Variants in MEMO1 observed in about 807,000 individuals in gnomAD.
MEMO1 encodes protein MEMO1.
MEMO1 carries 6 observed loss-of-function variants against 45.2 expected under a neutral mutation model. The ratio of observed to expected loss-of-function variants is 0.13; its 90% CI spans 0.07 to 0.26. The LOEUF (loss-of-function observed/expected upper bound fraction) is 0.26. Ranked by LOEUF, MEMO1 falls within the 10% of genes least tolerant of loss-of-function variation. The pLI, the probability that MEMO1 is intolerant of heterozygous loss-of-function variation, is 1.00. For synonymous variants in MEMO1, 78 were observed against 124.3 expected (o/e 0.63, Z 2.48); for missense variants, 184 against 370.5 (o/e 0.50, Z 4.13).
intron 4 of MEMO1, among the ~76,000 whole-genome samples, chr2:31,927,313 T>C (rs1285535666): frequency 6.6e-6 from 1 of 152,116 alleles, no homozygotes; most frequent in Non-Finnish European, 1.5e-5. Context: ...AGCAAGACTT[T>C]GTCTCAAAAA....
intron 2 of MEMO1, among the ~76,000 whole-genome samples, chr2:32,006,170 C>T (rs557822375): frequency 6.6e-6 from 1 of 152,064 alleles, no homozygotes; most frequent in Non-Finnish European, 1.5e-5. Flanking sequence ...AGACCTTAAC[C>T]AAGAGGCAAG....
chr2:31,932,280 T>C, intron 3 of MEMO1, 145 bp from the exon 4 acceptor site: 1 of 618,450 alleles, frequency 1.6e-6, no homozygotes, highest in Non-Finnish European at 2.8e-6. Flanking sequence ...GTTAATGATG[T>C]GACTTCTAGA....
At chr2:31,911,548 A>G (rs965942303) in intron 6 of MEMO1, among the ~76,000 whole-genome samples, 2 of 152,248 alleles carry the variant, frequency 1.3e-5, no homozygotes, top group East Asian at 1.9e-4. Flanking sequence ...TAATGTATCG[A>G]TATTGGTTCA....
intron 2 of MEMO1, chr2:31,963,241 T>A: frequency 6.5e-7 from 1 of 1,546,510 alleles, no homozygotes. Context: ...CATAATGGCA[T>A]GAGTCAATTC....
chr2:31,899,045 C>T (rs1156452392), intron 6 of MEMO1, among the ~76,000 whole-genome samples: 1 of 152,018 alleles, frequency 6.6e-6, no homozygotes, highest in African/African-American at 2.4e-5. Flanking sequence ...AGAACACAAA[C>T]AAATGGAAAA....
In MEMO1 at chr2:31,923,059, C is replaced by G. The variant is rs191136046; in HGVS notation, c.213-2149G>C. ...TTTGAGAAATCGCCACACTGTTTTC[C>G]ACAATGATTGAATCAATTTACACTC... is the stretch of plus-strand genomic sequence containing the variant. On this transcript the variant is annotated intron_variant, in intron 4 of 9. Coordinates refer to ENST00000404530, the MANE Select transcript of MEMO1 (RefSeq NM_001301833.4). 3.2e-4 allele frequency among the ~76,000 whole-genome samples: 49 copies of G among 152,174 alleles called. No individual in the cohort carries two copies. In the East Asian group the frequency reaches 7.2e-3, roughly 22 times the overall value.
chr2:31,939,699 G>A (rs1665383989), intron 3 of MEMO1, among the ~76,000 whole-genome samples: 1 of 152,022 alleles, frequency 6.6e-6, no homozygotes, highest in Admixed American at 6.6e-5. Context: ...ATCCCTCTTA[G>A]GTAAATGTCC....
rs1346852 is a variant in MEMO1 at position 31,959,961 on chromosome 2, C to T, written c.62-16578G>A. Among the ~76,000 whole-genome samples, 494 of 152,280 alleles carry T rather than the reference C, an allele frequency of 3.2e-3. 13 individuals carry two copies. The East Asian group carries it at 0.068, about 21-fold the overall frequency. On this transcript the variant is annotated intron_variant, in intron 2 of 9. Coordinates refer to ENST00000404530, the MANE Select transcript of MEMO1 (RefSeq NM_001301833.4). The stretch of plus-strand genomic sequence containing the variant: ...TTCTGGCCTGGTGTGGTGGTTCATG[C>T]CTACAATCCCAGCACTTTGGGAGTC...
chr2:31,893,708 AC>A (rs1402689378), intron 6 of MEMO1, among the ~76,000 whole-genome samples: 1 of 152,214 alleles, frequency 6.6e-6, no homozygotes, highest in African/African-American at 2.4e-5. Flanking sequence ...TACAATACTT[AC>A]TTCATAAAAT....
intron 4 of MEMO1, chr2:31,923,650 A>C (rs199774348): frequency 3.2e-6 from 5 of 1,547,892 alleles, no homozygotes; most frequent in Non-Finnish European, 3.5e-6. Flanking sequence ...AGAATCAAAT[A>C]ATGAGAAAGG....
intron 3 of MEMO1, among the ~76,000 whole-genome samples, chr2:31,941,482 G>C (rs958455358): frequency 6.6e-6 from 1 of 152,070 alleles, no homozygotes; most frequent in African/African-American, 2.4e-5. Context: ...ACCTGACATA[G>C]AATATAATTA....
At chr2:31,899,443 C>T (rs1678432638) in intron 6 of MEMO1, among the ~76,000 whole-genome samples, 1 of 152,164 alleles carries the variant, frequency 6.6e-6, no homozygotes. Context: ...GAAATGATTC[C>T]CTATTTAATA....
chr2:31,897,264 T>C (rs754795718), intron 6 of MEMO1, among the ~76,000 whole-genome samples: 43 of 152,246 alleles, frequency 2.8e-4, no homozygotes, highest in Admixed American at 1.3e-4. Flanking sequence ...CTATGTTGAA[T>C]AGGAGTGGTG....
intron 3 of MEMO1, among the ~76,000 whole-genome samples, chr2:31,934,990 T>C (rs1664743558): frequency 6.6e-6 from 1 of 152,184 alleles, no homozygotes; most frequent in Non-Finnish European, 1.5e-5. Flanking sequence ...ATGAAAAGGA[T>C]AATGATAATA....
At chr2:31,956,036 T>A (rs1667377323) in intron 2 of MEMO1, among the ~76,000 whole-genome samples, 1 of 152,186 alleles carries the variant, frequency 6.6e-6, no homozygotes, top group African/African-American at 2.4e-5. Context: ...GAAATATAAA[T>A]CTGGACCATA....
At chr2:31,989,678 T>C (rs1671703141) in intron 2 of MEMO1, among the ~76,000 whole-genome samples, 1 of 152,242 alleles carries the variant, frequency 6.6e-6, no homozygotes, top group Non-Finnish European at 1.5e-5. Context: ...ACATCTTGAT[T>C]GTGTTGACTT....
intron 6 of MEMO1, among the ~76,000 whole-genome samples, chr2:31,900,446 T>C (rs1253753844): frequency 3.3e-5 from 5 of 151,932 alleles, no homozygotes; most frequent in Non-Finnish European, 2.9e-5. Context: ...AACCAAACAC[T>C]GCATGTTCTC....
intron 8 of MEMO1, among the ~76,000 whole-genome samples, chr2:31,874,094 C>G (rs1288880728): frequency 1.3e-5 from 2 of 152,066 alleles, no homozygotes; most frequent in Non-Finnish European, 2.9e-5. Context: ...GAAGTTATAA[C>G]AGATGAATAC....
intron 2 of MEMO1, among the ~76,000 whole-genome samples, chr2:31,986,459 G>A (rs1412135571): frequency 6.6e-6 from 1 of 152,058 alleles, no homozygotes; most frequent in Non-Finnish European, 1.5e-5. Flanking sequence ...GCGAAAGTGT[G>A]AGACACTGTC....
Sources: allele counts gnomAD v4.1 joint callset (sites outside exome capture counted in the v4.1 genomes callset), GRCh38; gene constraint gnomAD v4.1.1; transcripts MANE v1.5; gene names NCBI Gene and HGNC (gene_info 2026-07-23, HGNC 2026-07-21).